ITGA11: variants seen among roughly 807,000 people sequenced by gnomAD.
ITGA11 encodes integrin subunit alpha 11, also known as integrin alpha-11.
Under a neutral mutation model 141.9 loss-of-function variants are expected in ITGA11, and 97 were observed. The observed-to-expected ratio is 0.68, with a 90% confidence interval of 0.58 to 0.81. The LOEUF (loss-of-function observed/expected upper bound fraction) is 0.81. Ranked by LOEUF, ITGA11 falls within the 30% of genes least tolerant of loss-of-function variation. The pLI, the probability that ITGA11 is intolerant of heterozygous loss-of-function variation, is 0.00. For missense variants in ITGA11, 1,387 were observed against 1,559.2 expected (o/e 0.89, Z 1.86); for synonymous variants, 658 against 624.6 (o/e 1.05, Z -0.80).
In ITGA11 at chr15:68,325,045, G is replaced by A; in HGVS notation, c.2322+86C>T. ...TGAGGGATGGTGTCCTCTGTACCCG[G>A]CACACTCAGGCTCTGGGCTTTGGGG... On this transcript the variant is annotated intron_variant, in intron 18 of 29. Coordinates refer to ENST00000315757, the MANE Select transcript of ITGA11 (RefSeq NM_001004439.2). The surrounding 1 kb of genome is among the most constrained non-coding windows in gnomAD (Gnocchi z 5.5). The A allele has an allele frequency of 1.0e-6, 1 of 973,470 alleles. No individual in the cohort carries two copies. 60.3% of individuals were successfully genotyped at this position (973,470 alleles called of 1,614,324 possible). A position where few individuals can be genotyped will look rare whatever the true frequency, so the allele number is the denominator to read the frequency against.
At chr15:68,423,163 G>T (rs1897059198) in intron 1 of ITGA11, among the ~76,000 whole-genome samples, 1 of 152,126 alleles carries the variant, frequency 6.6e-6, no homozygotes, top group African/African-American at 2.4e-5. Context: ...CAAGACCCGG[G>T]GATACAGTGG....
chr15:68,416,331 T>C (rs1896885577), intron 1 of ITGA11, among the ~76,000 whole-genome samples: 1 of 152,036 alleles, frequency 6.6e-6, no homozygotes, highest in Non-Finnish European at 1.5e-5. Context: ...GGAGAACAAA[T>C]GTCGGCTAGG....
Position 68,350,654 on chromosome 15 carries a change from A to C in ITGA11, c.1023T>G (p.Ile341Met). ...NVTDEAALKD[I>M]VDALGDRIFS... ...AGATTCTGTCCCCCAGGGCATCGAC[A>C]ATGTCCTTCAAGGCAGCCTCATCAG... Residue 341 changes from isoleucine (I) to methionine (M), a missense_variant, in exon 9 of 30, where the codon ATT (isoleucine) becomes ATG (methionine). Ile to Met is a conservative substitution (Grantham distance 10). Coordinates refer to ENST00000315757, the MANE Select transcript of ITGA11 (RefSeq NM_001004439.2). 4.3e-6 allele frequency: 7 copies of C among 1,613,896 alleles called. No homozygotes were observed. Among genetic ancestry groups the C allele is most frequent in the Non-Finnish European group, 5.9e-6 (7 of 1,179,838 alleles).
chr15:68,383,569 C>T (rs997129942), intron 2 of ITGA11, among the ~76,000 whole-genome samples: 2 of 152,188 alleles, frequency 1.3e-5, no homozygotes, highest in Non-Finnish European at 2.9e-5. Context: ...GTGATATCTA[C>T]AGGAAGCCTC....
At chr15:68,428,033 C>T (rs996364559) in intron 1 of ITGA11, among the ~76,000 whole-genome samples, 13 of 152,080 alleles carry the variant, frequency 8.5e-5, no homozygotes, top group African/African-American at 3.1e-4. Flanking sequence ...TCAGCCAGAG[C>T]CCATCACTGC....
intron 26 of ITGA11, among the ~76,000 whole-genome samples, chr15:68,309,010 C>T (rs1400493405): frequency 1.3e-5 from 2 of 152,194 alleles, no homozygotes; most frequent in African/African-American, 4.8e-5. Context: ...ATCTGTTGCA[C>T]CCAGATCAGC....
intron 1 of ITGA11, among the ~76,000 whole-genome samples, chr15:68,411,304 T>G (rs1292685203): frequency 6.6e-6 from 1 of 152,170 alleles, no homozygotes; most frequent in Admixed American, 6.5e-5. Flanking sequence ...CAACAAATTA[T>G]CAACAACGAC....
chr15:68,310,996 G>A lies in ITGA11; in HGVS notation c.3172C>T (p.Leu1058=). The change falls in exon 26 of 30, where the codon CTG becomes TTG. Residue 1058 remains leucine (L), a splice_region_variant and synonymous_variant. Transcript: ENST00000315757. ...VEEDLRRAPQ[L]NHSNSDVVSI... is the part of the protein sequence containing the mutation. ...CTCTCGGTCTGGGGGACACTCACCA[G>A]CTGTGGAGCACGACGCAAGTCTTCC... 1 of 1,598,816 alleles carries A rather than the reference G, an allele frequency of 6.3e-7. No homozygotes were observed. The highest frequency in any genetic ancestry group is 8.5e-7 in the Non-Finnish European group (1 of 1,172,204).
rs371621142 is a variant in ITGA11, at chr15:68,308,682, G to T, written c.3175-986C>A. On this transcript the variant is annotated intron_variant, in intron 26 of 29. Transcript: ENST00000315757. This position sits in a 1 kb window ranked among gnomAD's most constrained non-coding sequence, Gnocchi z 5.2. ...CACTTGAACCCGGGAGGCGGAGGTC[G>T]CAGTGAGCCGAGATCGTGCCACTGC... Among the ~76,000 whole-genome samples, 5 of 152,194 alleles carry T rather than the reference G, an allele frequency of 3.3e-5. 1 individual carries two copies. The highest frequency in any genetic ancestry group is 6.5e-5 in the Admixed American group (1 of 15,280).
At chr15:68,355,975 T>A (rs1895058682) in intron 7 of ITGA11, among the ~76,000 whole-genome samples, 1 of 152,222 alleles carries the variant, frequency 6.6e-6, no homozygotes, top group South Asian at 2.1e-4. Context: ...CTGGCTAATT[T>A]CAGTGGGGGG....
intron 24 of ITGA11, 118 bp downstream of exon 24, chr15:68,312,655 G>A: frequency 1.4e-6 from 1 of 704,844 alleles, no homozygotes; most frequent in Admixed American, 2.3e-5. Context: ...ACAGTGGGTG[G>A]GTGGCAGGGT....
intron 15 of ITGA11, among the ~76,000 whole-genome samples, chr15:68,330,058 G>T (rs1894105301): frequency 6.6e-6 from 1 of 152,252 alleles, no homozygotes; most frequent in Admixed American, 6.5e-5. Flanking sequence ...GTGAGGACAG[G>T]CTGGCTCGCT....
intron 10 of ITGA11, among the ~76,000 whole-genome samples, chr15:68,344,665 G>T (rs920923189): frequency 7.2e-5 from 11 of 152,026 alleles, no homozygotes; most frequent in Admixed American, 6.5e-5. Flanking sequence ...ATGCGCATGG[G>T]TGATGGTGCT....
chr15:68,427,055 G>A (rs966928449), intron 1 of ITGA11, among the ~76,000 whole-genome samples: 11 of 151,010 alleles, frequency 7.3e-5, no homozygotes, highest in South Asian at 2.1e-4. Flanking sequence ...AGTGGCCTGG[G>A]GGTCAGACAA....
chr15:68,362,747 T>C (rs1895286046), intron 4 of ITGA11, among the ~76,000 whole-genome samples: 1 of 151,972 alleles, frequency 6.6e-6, no homozygotes, highest in Non-Finnish European at 1.5e-5. Flanking sequence ...GGATGGATGA[T>C]GGATAGTGGA....
At chr15:68,327,780 G>A (rs568828736) in intron 16 of ITGA11, among the ~76,000 whole-genome samples, 1 of 152,288 alleles carries the variant, frequency 6.6e-6, no homozygotes, top group Non-Finnish European at 1.5e-5. Context: ...AGACTTCTGG[G>A]CTTCCACACC....
rs753154822 is a variant in ITGA11, at chr15:68,357,271, A to G, written c.629T>C (p.Val210Ala). ...GTCGTTGAGGTGAAACTCATGCACC[A>G]CATCTTCGCCATACTGCACAACTCC... ...QVGVVQYGED[V>A]VHEFHLNDYR... Residue 210 changes from valine (V) to alanine (A), a missense_variant, in exon 7 of 30, where the codon GTG becomes GCG. Physicochemically the swap from Val to Ala is moderately conservative, Grantham distance 64. Transcript: ENST00000315757. The G allele has an allele frequency of 2.5e-5, 40 of 1,613,812 alleles. No individual in the cohort carries two copies. The South Asian group carries it at 3.5e-4, about 14-fold the overall frequency.
At chr15:68,313,002 G>C (rs904343445) in intron 23 of ITGA11, 139 bp from the exon 24 acceptor site, 3 of 625,762 alleles carry the variant, frequency 4.8e-6, no homozygotes, top group African/African-American at 1.8e-5. Flanking sequence ...GGCTGGGAGT[G>C]AGTGTCATGT....
intron 1 of ITGA11, among the ~76,000 whole-genome samples, chr15:68,429,160 G>A (rs1056163878): frequency 2.4e-4 from 37 of 152,176 alleles, no homozygotes; most frequent in African/African-American, 8.9e-4. Context: ...ATTAATCTTT[G>A]TGATAACTCT....
Sources: allele counts gnomAD v4.1 joint callset (sites outside exome capture counted in the v4.1 genomes callset), GRCh38; gene constraint gnomAD v4.1.1; non-coding constraint Gnocchi (gnomAD v3.1); transcripts MANE v1.5; gene names NCBI Gene and HGNC (gene_info 2026-07-23, HGNC 2026-07-21).